Variants in CHD4 observed in about 807,000 individuals in gnomAD.
The protein encoded by CHD4 is ATP-dependent chromatin remodeler CHD4.
In CHD4, 35 loss-of-function variants were observed where a neutral mutation model predicts 235.5. The ratio of observed to expected loss-of-function variants is 0.15; its 90% CI spans 0.11 to 0.20. The LOEUF (loss-of-function observed/expected upper bound fraction) is 0.20, where lower values mean the gene tolerates loss of function less well. Ranked by LOEUF, CHD4 falls within the 10% of genes least tolerant of loss-of-function variation. The pLI, the probability that CHD4 is intolerant of heterozygous loss-of-function variation, is 1.00. For missense variants in CHD4, 1,329 were observed against 2,432.3 expected, an observed-to-expected ratio of 0.55 and a Z score of 9.54; for synonymous variants, 900 against 850.2, an observed-to-expected ratio of 1.06 and a Z score of -1.02.
intron 7 of CHD4, 43 bp downstream of exon 7, chr12:6,600,883 T>C: frequency 6.5e-7 from 1 of 1,536,230 alleles, no homozygotes; most frequent in Non-Finnish European, 8.7e-7. Context: ...ATCCTTTCTA[T>C]TAGACATGGC....
intron 37 of CHD4, 37 bp downstream of exon 37, chr12:6,577,748 T>A: frequency 6.2e-7 from 1 of 1,611,236 alleles, no homozygotes; most frequent in South Asian, 1.1e-5. Context: ...CTTTCAAGTT[T>A]GTCACTTAAG....
intron 25 of CHD4, 73 bp from the exon 26 acceptor site, chr12:6,583,451 T>C: frequency 7.5e-7 from 1 of 1,325,504 alleles, no homozygotes; most frequent in Non-Finnish European, 1.0e-6. Flanking sequence ...TCCTCACAGT[T>C]CCCACTCTGC....
chr12:6,600,334 C>T lies in CHD4; in HGVS notation c.1125G>A (p.Val375=), dbSNP rs754229594. 3.5e-5 allele frequency: 57 copies of T among 1,614,066 alleles called. No homozygotes were observed. Among genetic ancestry groups the T allele is most frequent in the Non-Finnish European group, 4.6e-5 (54 of 1,180,048 alleles). The change falls in exon 9 of 40, where the codon GTG becomes GTA. Residue 375 remains valine, a synonymous_variant. Transcript: ENST00000544040. The part of the protein sequence containing the change: ...YETDHQDYCE[V]CQQGGEIILC... Reference sequence around the variant, plus strand: ...GGATGATCTCACCGCCTTGCTGGCACACCTCGCAATAGTCCTGGTGGTCTG... The same window carrying T: ...GGATGATCTCACCGCCTTGCTGGCATACCTCGCAATAGTCCTGGTGGTCTG...
rs1565612310 is a variant in CHD4, at chr12:6,593,245, C to T, written c.2515-17G>A. 6.2e-7 allele frequency: 1 copy of T among 1,613,912 alleles called. No homozygotes were observed. Among genetic ancestry groups the T allele is most frequent in the Non-Finnish European group, 8.5e-7 (1 of 1,180,018 alleles). On this transcript the variant is annotated splice_polypyrimidine_tract_variant and intron_variant, in intron 16 of 39. Coordinates refer to ENST00000544040, the MANE Select transcript of CHD4 (RefSeq NM_001273.5). The surrounding 1 kb of genome is among the most constrained non-coding windows in gnomAD (Gnocchi z 4.9). The stretch of plus-strand genomic sequence containing the variant: ...TGCCTCTTTCTGCACATGAAGGCAA[C>T]TTGGTCACTACTAGTCAGTTCCTCT...
At chr12:6,580,714 A>AAAAAAAACAAAAC (rs1423722383) in intron 33 of CHD4, 3 of 229,190 alleles carry the variant, frequency 1.3e-5, no homozygotes, top group Admixed American at 5.6e-5. Context: ...GAAAAAAAAA[A>AAAAAAAACAAAAC]AAAAAAAAAA....
At chr12:6,595,487 C>T (rs566163437) in intron 13 of CHD4, 57 bp from the exon 14 acceptor site, 3 of 1,491,038 alleles carry the variant, frequency 2.0e-6, no homozygotes, top group Non-Finnish European at 2.8e-6. Flanking sequence ...GAAGAAACAA[C>T]TTGGCCAGGC....
At chr12:6,578,213 T>C (rs1948105564) in intron 35 of CHD4, 76 bp from the exon 36 acceptor site, 26 of 1,418,136 alleles carry the variant, frequency 1.8e-5, no homozygotes, top group Non-Finnish European at 2.5e-5. Context: ...TACTTATTCT[T>C]GTCCCCCACC....
intron 12 of CHD4, 45 bp downstream of exon 12, chr12:6,597,849 A>C (rs779086683): frequency 3.3e-6 from 5 of 1,537,580 alleles, no homozygotes; most frequent in Admixed American, 1.7e-5. Context: ...CTTTAGCAGG[A>C]CTCTCCCACG....
chr12:6,592,182 C>A, intron 19 of CHD4, 125 bp from the exon 20 acceptor site: 1 of 1,292,028 alleles, frequency 7.7e-7, no homozygotes. Flanking sequence ...ACCTAACGCA[C>A]AAGCACTACC....
chr12:6,570,411 A>T lies in CHD4; in HGVS notation c.*265T>A, dbSNP rs543601543. 1.9e-6 allele frequency: 1 copy of T among 530,122 alleles called. No homozygotes were observed. The highest frequency in any genetic ancestry group is 3.4e-6 in the Non-Finnish European group (1 of 298,112). The allele number at this position is 530,122 out of a possible 1,614,324, so 32.8% of individuals were successfully genotyped here. ...ACAGTTTGTGTGTAACAGGCGTTACAGTGGGGAGAAGCCAGGGTCCAGAAG... is the reference window on the plus strand; with the variant it reads ...ACAGTTTGTGTGTAACAGGCGTTACTGTGGGGAGAAGCCAGGGTCCAGAAG... On this transcript the variant is annotated 3_prime_UTR_variant, in exon 40 of 40. Transcript: ENST00000544040.
At position 6,595,417 on chromosome 12, in the gene CHD4, C is replaced by A. The variant is rs1200147946; in HGVS notation, c.2038G>T (p.Gly680Cys). The change falls in exon 14 of 40, where the codon GGT becomes TGT. Residue 680 changes from glycine (G) to cysteine (C), a missense_variant. Coordinates refer to ENST00000544040, the MANE Select transcript of CHD4 (RefSeq NM_001273.5). ...TTCTTGCCTGGTCGGCCTTCCTCAC[C>A]CCTCATTAACTCCCTAAAGAAGAAA... ...SYWNHRELMRGEEGRPGKKLK... is the reference protein window; with the variant it reads ...SYWNHRELMRCEEGRPGKKLK... 6.2e-7 allele frequency: 1 copy of A among 1,613,896 alleles called. No individual in the cohort carries two copies. Among genetic ancestry groups the A allele is most frequent in the Non-Finnish European group, 8.5e-7 (1 of 1,179,890 alleles).
In CHD4 at chr12:6,578,130, G is replaced by A; in HGVS notation, c.5127C>T (p.His1709=). 1 of 1,612,390 alleles carries A rather than the reference G, an allele frequency of 6.2e-7. No individual in the cohort carries two copies. Among genetic ancestry groups the A allele is most frequent in the Non-Finnish European group, 8.5e-7 (1 of 1,179,932 alleles). Residue 1709 remains histidine, a synonymous_variant, in exon 36 of 40, where the codon CAC becomes CAT. Coordinates refer to ENST00000544040, the MANE Select transcript of CHD4 (RefSeq NM_001273.5). ...NIADGGFTEL[H]SLWQNEERAA... ...CCCGCTCTTCATTCTGCCAAAGGGA[G>A]TGCAACTCTGAGGAGGAATTTAGGG...
intron 10 of CHD4, among the ~76,000 whole-genome samples, chr12:6,599,015 C>T (rs1285057300): frequency 6.6e-5 from 10 of 152,206 alleles, no homozygotes; most frequent in Admixed American, 6.5e-4. Context: ...CACCATCACT[C>T]CTATCTGCTT....
Position 6,596,784 on chromosome 12 carries a change from AACGAG to A in CHD4, c.1893-652_1893-648del, listed in dbSNP as rs1311031432. Reference sequence around the variant, plus strand: ...CACTGCACTCCAGCCTGGGCGACAGAACGAGACTCCATTTCAAAAAAAAAAATTAG... The same window carrying A: ...CACTGCACTCCAGCCTGGGCGACAGAACTCCATTTCAAAAAAAAAAATTAG... On this transcript the variant is annotated intron_variant, in intron 12 of 39. Transcript: ENST00000544040. Among the ~76,000 whole-genome samples the A allele has an allele frequency of 5.4e-5, 8 of 147,640 alleles. No homozygotes were observed. The East Asian group carries it at 1.7e-3, about 31-fold the overall frequency.
intron 12 of CHD4, 45 bp downstream of exon 12, chr12:6,597,849 A>T (rs779086683): frequency 1.3e-6 from 2 of 1,537,698 alleles, no homozygotes; most frequent in Admixed American, 1.7e-5. Flanking sequence ...CTTTAGCAGG[A>T]CTCTCCCACG....
Position 6,593,057 on chromosome 12 carries a change from G to C in CHD4, c.2652+34C>G, listed in dbSNP as rs1365936327. The C allele has an allele frequency of 1.2e-6, 2 of 1,609,622 alleles. No individual in the cohort carries two copies. The highest frequency in any genetic ancestry group is 1.7e-6 in the Non-Finnish European group (2 of 1,178,498). On this transcript the variant is annotated intron_variant, in intron 17 of 39. Coordinates refer to ENST00000544040, the MANE Select transcript of CHD4 (RefSeq NM_001273.5). The surrounding 1 kb of genome is among the most constrained non-coding windows in gnomAD (Gnocchi z 4.9). ...TTGGTAGTACTAGAAAAAACCCAAA[G>C]TGGGGGCTCCAACATCCCTCCCTCA...
At chr12:6,573,012 C>A in intron 38 of CHD4, 62 bp downstream of exon 38, 2 of 1,483,506 alleles carry the variant, frequency 1.3e-6, no homozygotes, top group Non-Finnish European at 1.8e-6. Flanking sequence ...AATATATGTA[C>A]ATTAGGATGC....
intron 1 of CHD4, chr12:6,607,022 G>A (rs535141018): frequency 3.4e-4 from 51 of 150,782 alleles, no homozygotes; most frequent in African/African-American, 1.2e-3. Flanking sequence ...TGTCCCGGGG[G>A]GCAAGTGATC....
chr12:6,601,577 AAAAG>A (rs752302054), intron 5 of CHD4, 47 bp from the exon 6 acceptor site: 9 of 1,612,854 alleles, frequency 5.6e-6, no homozygotes, highest in Admixed American at 3.3e-5. Context: ...TAAGAATAAA[AAAAG>A]AAAGAGAAGT....
Sources: allele counts gnomAD v4.1 joint callset (sites outside exome capture counted in the v4.1 genomes callset), GRCh38; gene constraint gnomAD v4.1.1; non-coding constraint Gnocchi (gnomAD v3.1); transcripts MANE v1.5; gene names NCBI Gene and HGNC (gene_info 2026-07-23, HGNC 2026-07-21).